Variants in RAB27B observed in about 807,000 individuals in gnomAD.
The protein encoded by RAB27B is ras-related protein Rab-27B.
In RAB27B, 15 loss-of-function variants were observed where a neutral mutation model predicts 24.6. The observed-to-expected ratio is 0.61, with a 90% confidence interval of 0.41 to 0.94. The LOEUF (loss-of-function observed/expected upper bound fraction) is 0.94. RAB27B is among the 40% of genes least tolerant of loss of function. The pLI is 0.00. For missense variants in RAB27B, 261 were observed against 266.8 expected (o/e 0.98, Z 0.15); for synonymous variants, 105 against 92.5 (o/e 1.14, Z -0.78).
At chr18:54,811,665 A>G (rs1313583652) in intron 2 of RAB27B, among the ~76,000 whole-genome samples, 1 of 152,188 alleles carries the variant, frequency 6.6e-6, no homozygotes, top group Non-Finnish European at 1.5e-5. Flanking sequence ...ACCTGTGAAG[A>G]TCAGCTATCG....
At chr18:54,848,485 C>T (rs1911427650) in intron 1 of RAB27B, among the ~76,000 whole-genome samples, 1 of 152,070 alleles carries the variant, frequency 6.6e-6, no homozygotes, top group Non-Finnish European at 1.5e-5. Context: ...GGCTGCTGAC[C>T]TGCAAGGAGA....
chr18:54,772,127 C>T (rs775347626), intron 2 of RAB27B, among the ~76,000 whole-genome samples: 3 of 152,156 alleles, frequency 2.0e-5, no homozygotes, highest in Non-Finnish European at 2.9e-5. Flanking sequence ...GAATGTGTCT[C>T]GTCACCTCTA....
At chr18:54,760,669 A>G (rs1035108040) in intron 2 of RAB27B, among the ~76,000 whole-genome samples, 1 of 152,144 alleles carries the variant, frequency 6.6e-6, no homozygotes, top group African/African-American at 2.4e-5. Context: ...TTGATGCTAC[A>G]GGGTAACGTA....
At chr18:54,726,486 C>G (rs1909540957) in intron 2 of RAB27B, among the ~76,000 whole-genome samples, 1 of 151,482 alleles carries the variant, frequency 6.6e-6, no homozygotes, top group Admixed American at 6.6e-5. Context: ...CACACAGACT[C>G]CATCACTGTT....
intron 2 of RAB27B, among the ~76,000 whole-genome samples, chr18:54,811,674 C>G (rs561129156): frequency 6.6e-6 from 1 of 152,208 alleles, no homozygotes; most frequent in East Asian, 1.9e-4. Flanking sequence ...GATCAGCTAT[C>G]GATTTACGTT....
chr18:54,843,585 ACTGGTGTGTT>A (rs1415717840), intron 1 of RAB27B, among the ~76,000 whole-genome samples: 12 of 152,146 alleles, frequency 7.9e-5, no homozygotes, highest in African/African-American at 2.7e-4. Flanking sequence ...AATAAACCAC[ACTGGTGTGTT>A]CCGGCTGCAT....
upstream of RAB27B, among the ~76,000 whole-genome samples, chr18:54,827,850 C>T (rs1221925813): frequency 6.6e-6 from 1 of 152,070 alleles, no homozygotes; most frequent in African/African-American, 2.4e-5. Flanking sequence ...GCTTTGTGGA[C>T]GAATCTAATG....
At chr18:54,812,829 G>A (rs1910009658) in intron 2 of RAB27B, among the ~76,000 whole-genome samples, 1 of 152,076 alleles carries the variant, frequency 6.6e-6, no homozygotes, top group East Asian at 1.9e-4. Context: ...ATATGTATAT[G>A]TACATCTGTA....
intron 1 of RAB27B, among the ~76,000 whole-genome samples, chr18:54,850,377 T>TATATAC (rs1426669530): frequency 7.2e-6 from 1 of 139,538 alleles, no homozygotes; most frequent in African/African-American, 2.7e-5. Flanking sequence ...TACATATGTT[T>TATATAC]AGTTTTTTTC....
At chr18:54,854,592 C>T (rs1911710787) in intron 1 of RAB27B, among the ~76,000 whole-genome samples, 1 of 151,980 alleles carries the variant, frequency 6.6e-6, no homozygotes, top group African/African-American at 2.4e-5. Flanking sequence ...ATTTCCTAAC[C>T]CACCATTTAG....
At chr18:54,786,243 TA>T (rs1193608617) in intron 2 of RAB27B, among the ~76,000 whole-genome samples, 2 of 152,244 alleles carry the variant, frequency 1.3e-5, no homozygotes, top group African/African-American at 2.4e-5. Flanking sequence ...TGAATAATTC[TA>T]ACCAATTCCA....
chr18:54,755,054 C>T (rs1458846801), intron 2 of RAB27B, among the ~76,000 whole-genome samples: 2 of 152,170 alleles, frequency 1.3e-5, no homozygotes, highest in Admixed American at 6.5e-5. Context: ...GCATATTGCT[C>T]TGTTGGCACT....
At chr18:54,764,067 A>G (rs1833308) in intron 2 of RAB27B, among the ~76,000 whole-genome samples, 146,669 of 152,242 alleles carry the variant, frequency 0.96, 70,889 homozygotes, top group East Asian at 1. Context: ...CTTGCCCATT[A>G]TATATACTTA....
rs117980916 is a variant in RAB27B, at chr18:54,723,863, C to A, written c.-20+5722C>A. Among the ~76,000 whole-genome samples the A allele has an allele frequency of 2.5e-4, 38 of 152,200 alleles. No individual in the cohort carries two copies. The East Asian group carries it at 5.2e-3, about 21-fold the overall frequency. On this transcript the variant is annotated intron_variant, in intron 2 of 4. Coordinates refer to the RAB27B transcript ENST00000586570. ...ACTATGATTCCTTCCAGTGTCACTA[C>A]GAATTAATCTACCAGTAAATGTCAT...
At chr18:54,779,521 G>A (rs1486960190) in intron 2 of RAB27B, among the ~76,000 whole-genome samples, 1 of 152,112 alleles carries the variant, frequency 6.6e-6, no homozygotes, top group Non-Finnish European at 1.5e-5. Context: ...AATGCCTCAT[G>A]TTACTAGGAC....
intron 2 of RAB27B, among the ~76,000 whole-genome samples, chr18:54,786,517 C>T (rs925249979): frequency 6.6e-6 from 1 of 152,114 alleles, no homozygotes; most frequent in African/African-American, 2.4e-5. Flanking sequence ...TATGGAAATC[C>T]CAAGATGCAT....
intron 2 of RAB27B, among the ~76,000 whole-genome samples, chr18:54,772,588 CAA>C (rs1201284362): frequency 2.0e-5 from 3 of 152,128 alleles, no homozygotes; most frequent in African/African-American, 7.2e-5. Context: ...AGTGTGAAAA[CAA>C]GAGACATTTT....
chr18:54,799,901 C>T (rs1248939671), intron 2 of RAB27B, among the ~76,000 whole-genome samples: 1 of 152,074 alleles, frequency 6.6e-6, no homozygotes, highest in African/African-American at 2.4e-5. Flanking sequence ...CTGCCTCAGC[C>T]TCCCAAAGTG....
At chr18:54,876,789 A>G (rs1386801759) in intron 1 of RAB27B, among the ~76,000 whole-genome samples, 1 of 152,122 alleles carries the variant, frequency 6.6e-6, no homozygotes. Context: ...TTTTTATTCC[A>G]TTATCTGTCT....
Sources: gnomAD v4.1 joint callset for allele counts (sites outside exome capture counted in the v4.1 genomes callset) on GRCh38, gnomAD v4.1.1 for gene constraint, MANE v1.5 for transcripts, NCBI Gene and HGNC (gene_info 2026-07-23, HGNC 2026-07-21) for gene names.